Variants in NEDD4L observed in about 807,000 individuals in gnomAD.
NEDD4L encodes E3 ubiquitin-protein ligase NEDD4-like.
A neutral mutation model predicts 148.9 loss-of-function variants in NEDD4L; 54 were observed. The observed-to-expected ratio is 0.36, with a 90% confidence interval of 0.29 to 0.45. The LOEUF (loss-of-function observed/expected upper bound fraction) is 0.45, where lower values mean the gene tolerates loss of function less well. Among genes scored for constraint, NEDD4L ranks in the 20% least tolerant of loss-of-function variants. The pLI is 1.00. For synonymous variants in NEDD4L, 433 were observed against 440.7 expected, an observed-to-expected ratio of 0.98 and a Z score of 0.22; for missense variants, 856 against 1,233.8, an observed-to-expected ratio of 0.69 and a Z score of 4.59.
At position 58,044,851 on chromosome 18, in the gene NEDD4L, G is replaced by A; in HGVS notation, c.48+143G>A. On this transcript the variant is annotated intron_variant, in intron 1 of 30. Coordinates refer to ENST00000400345, the MANE Select transcript of NEDD4L (RefSeq NM_001144967.3). ...CCAAAGCGGGAGCGCCCCGGAGCGG[G>A]ATCCAGGGGAGCTTGGGTCCTTCCG... 2 of 1,007,572 alleles carry A rather than the reference G, an allele frequency of 2.0e-6. 1 individual carries two copies. 62.4% of individuals were successfully genotyped at this position (1,007,572 alleles called of 1,614,324 possible).
At chr18:58,129,702 G>A (rs1415015883) in intron 1 of NEDD4L, among the ~76,000 whole-genome samples, 3 of 152,240 alleles carry the variant, frequency 2.0e-5, no homozygotes, top group Admixed American at 6.5e-5. Context: ...CCACACGCGT[G>A]GCTTCATTGG....
Position 58,256,302 on chromosome 18 carries a change from A to G in NEDD4L, c.297+4248A>G. 2 of 1,231,736 alleles carry G rather than the reference A, an allele frequency of 1.6e-6. No homozygotes were observed. The highest frequency in any genetic ancestry group is 2.0e-6 in the Non-Finnish European group (2 of 987,842). 76.3% of individuals were successfully genotyped at this position (1,231,736 alleles called of 1,614,324 possible). ...GGCCAGGGCGGCCCGGCCGCGGCAG[A>G]GCCCAGGCGCTGGTCCCTGCAGCAC... is the stretch of plus-strand genomic sequence containing the variant. On this transcript the variant is annotated intron_variant, in intron 5 of 30. Transcript: ENST00000400345. This position sits in a 1 kb window ranked among gnomAD's most constrained non-coding sequence, Gnocchi z 5.2.
intron 1 of NEDD4L, among the ~76,000 whole-genome samples, chr18:58,107,052 T>TC (rs1164897825): frequency 6.6e-6 from 1 of 152,192 alleles, no homozygotes; most frequent in Non-Finnish European, 1.5e-5. Flanking sequence ...TTCTGAGACA[T>TC]CCCTCCTTGG....
chr18:58,131,521 G>A (rs1046134887), intron 1 of NEDD4L, among the ~76,000 whole-genome samples: 2 of 149,218 alleles, frequency 1.3e-5, no homozygotes, highest in Non-Finnish European at 3.0e-5. Context: ...GGGCTCTGTT[G>A]GGGTTTGGTT....
chr18:58,044,447 G>C lies in NEDD4L; in HGVS notation c.-214G>C. On this transcript the variant is annotated 5_prime_UTR_variant, in exon 1 of 31. Coordinates refer to ENST00000400345, the MANE Select transcript of NEDD4L (RefSeq NM_001144967.3). Reference sequence around the variant, plus strand: ...GCTCTCGGGAGCCGCCCGCCCGCTGGTCCCGCAGCCTTCCGGGAGGAAGCG... The same window carrying C: ...GCTCTCGGGAGCCGCCCGCCCGCTGCTCCCGCAGCCTTCCGGGAGGAAGCG... 2.1e-6 allele frequency: 1 copy of C among 473,324 alleles called. No individual in the cohort carries two copies. The highest frequency in any genetic ancestry group is 3.2e-6 in the Non-Finnish European group (1 of 311,722). The allele number at this position is 473,324 out of a possible 1,614,324, so 29.3% of individuals were successfully genotyped here. A position where few individuals can be genotyped will look rare whatever the true frequency, so the allele number is the denominator to read the frequency against.
intron 20 of NEDD4L, among the ~76,000 whole-genome samples, chr18:58,364,897 A>G (rs1300446759): frequency 1.3e-5 from 2 of 152,204 alleles, no homozygotes; most frequent in Admixed American, 1.3e-4. Flanking sequence ...ATAACATTGC[A>G]TTTTCTAATG....
intron 3 of NEDD4L, among the ~76,000 whole-genome samples, chr18:58,246,075 A>G (rs1438426641): frequency 1.3e-5 from 2 of 152,088 alleles, no homozygotes; most frequent in Non-Finnish European, 2.9e-5. Context: ...AAGACTTTTC[A>G]GTACTAACCC....
intron 2 of NEDD4L, among the ~76,000 whole-genome samples, chr18:58,217,330 C>T (rs1239197099): frequency 1.3e-5 from 2 of 152,148 alleles, no homozygotes; most frequent in African/African-American, 4.8e-5. Context: ...TCCAAGTGTC[C>T]TAGTTTCTCC....
At chr18:58,212,321 C>T (rs1022165107) in intron 2 of NEDD4L, among the ~76,000 whole-genome samples, 5 of 151,892 alleles carry the variant, frequency 3.3e-5, no homozygotes, top group Non-Finnish European at 5.9e-5. Flanking sequence ...ATACCTGAGA[C>T]GGGGCAATTT....
chr18:58,340,129 A>G (rs915814899), intron 13 of NEDD4L, among the ~76,000 whole-genome samples: 3 of 152,108 alleles, frequency 2.0e-5, no homozygotes, highest in African/African-American at 4.8e-5. Context: ...CAGATATTAC[A>G]TGCATCGCCT....
chr18:58,392,491 A>G (rs774013631), intron 30 of NEDD4L, among the ~76,000 whole-genome samples: 1 of 152,172 alleles, frequency 6.6e-6, no homozygotes, highest in African/African-American at 2.4e-5. Flanking sequence ...TTGGCTGTGA[A>G]AGGTTTTTCA....
In NEDD4L at chr18:58,256,630, G is replaced by A. The variant is rs181382976; in HGVS notation, c.297+4576G>A. On this transcript the variant is annotated intron_variant, in intron 5 of 30. Coordinates refer to ENST00000400345, the MANE Select transcript of NEDD4L (RefSeq NM_001144967.3). This position sits in a 1 kb window ranked among gnomAD's most constrained non-coding sequence, Gnocchi z 5.2. ...CCGCGGAGAGGACTCCGCAGGGCCA[G>A]GGGTGCACATTTAAGATCAGGCAGG... 1.9e-5 allele frequency: 23 copies of A among 1,232,242 alleles called. No homozygotes were observed. In the East Asian group the frequency reaches 7.3e-4, roughly 39 times the overall value. The allele number at this position is 1,232,242 out of a possible 1,614,324, so 76.3% of individuals were successfully genotyped here.
chr18:58,091,838 C>T (rs2084091185), intron 1 of NEDD4L, among the ~76,000 whole-genome samples: 5 of 152,192 alleles, frequency 3.3e-5, no homozygotes, highest in Admixed American at 6.5e-5. Flanking sequence ...GCATTATTCA[C>T]ATTGCCTGAG....
chr18:58,371,536 G>A (rs930558087), intron 23 of NEDD4L: 2 of 152,316 alleles, frequency 1.3e-5, no homozygotes, highest in Admixed American at 6.5e-5. Flanking sequence ...CAGCTCATTC[G>A]TGTTTGCTCA....
chr18:58,333,412 G>A (rs1431189184), intron 11 of NEDD4L, among the ~76,000 whole-genome samples: 1 of 152,104 alleles, frequency 6.6e-6, no homozygotes, highest in African/African-American at 2.4e-5. Flanking sequence ...TAAATGTTGG[G>A]TAGCCACATA....
intron 2 of NEDD4L, among the ~76,000 whole-genome samples, chr18:58,167,513 A>C (rs763365689): frequency 1.3e-5 from 2 of 152,172 alleles, no homozygotes; most frequent in African/African-American, 2.4e-5. Context: ...TGATATTCCT[A>C]TATCAAAGCG....
intron 1 of NEDD4L, among the ~76,000 whole-genome samples, chr18:58,097,311 C>T (rs959414223): frequency 6.6e-6 from 1 of 152,166 alleles, no homozygotes; most frequent in African/African-American, 2.4e-5. Context: ...TTTGCCCAGG[C>T]CATAGTTCGC....
intron 13 of NEDD4L, among the ~76,000 whole-genome samples, chr18:58,340,117 C>G (rs935822508): frequency 6.6e-6 from 1 of 152,164 alleles, no homozygotes; most frequent in Non-Finnish European, 1.5e-5. Context: ...CTTTCACAGG[C>G]ACAGATATTA....
intron 2 of NEDD4L, among the ~76,000 whole-genome samples, chr18:58,179,784 G>A (rs929266440): frequency 4.0e-5 from 6 of 151,654 alleles, no homozygotes; most frequent in African/African-American, 1.5e-4. Flanking sequence ...ACAAGCTCGG[G>A]GCTCCTACTG....
Sources: allele counts gnomAD v4.1 joint callset (sites outside exome capture counted in the v4.1 genomes callset), GRCh38; gene constraint gnomAD v4.1.1; non-coding constraint Gnocchi (gnomAD v3.1); transcripts MANE v1.5; gene names NCBI Gene and HGNC (gene_info 2026-07-23, HGNC 2026-07-21).